FANCA: variants seen among roughly 807,000 people sequenced by gnomAD.
FANCA encodes FA complementation group A.
In FANCA, 236 loss-of-function variants were observed where a neutral mutation model predicts 194.3. The observed-to-expected ratio is 1.21, with a 90% CI of 1.09 to 1.35. The LOEUF (loss-of-function observed/expected upper bound fraction) is 1.35, where lower values mean the gene tolerates loss of function less well. Among genes scored for constraint, FANCA ranks in the 40% most tolerant of loss-of-function variants. The pLI is 0.00. For missense variants in FANCA, 2,628 were observed against 1,813.9 expected (o/e 1.45, Z -8.15); for synonymous variants, 1,014 against 715.8 (o/e 1.42, Z -6.65).
chr16:89,773,031 G>C (rs998519718), intron 22 of FANCA, among the ~76,000 whole-genome samples: 3 of 152,130 alleles, frequency 2.0e-5, no homozygotes, highest in Admixed American at 2.0e-4. Flanking sequence ...GTCCTACTCA[G>C]ATGCAACTAG....
At chr16:89,769,784 T>C in intron 26 of FANCA, 53 bp downstream of exon 26, 3 of 1,590,248 alleles carry the variant, frequency 1.9e-6, no homozygotes, top group Non-Finnish European at 2.6e-6. Context: ...AACGAGCATG[T>C]GTCACTTTTC....
In FANCA at chr16:89,737,951, C is replaced by G. The variant is rs1209630009; in HGVS notation, c.*650G>C. Reference sequence around the variant, plus strand: ...CCTCCCAGGGCTGTGGCCCTCGCACCTTCTTATCTGCCTCTGTCCCCCAGG... The same window carrying G: ...CCTCCCAGGGCTGTGGCCCTCGCACGTTCTTATCTGCCTCTGTCCCCCAGG... On this transcript the variant is annotated 3_prime_UTR_variant, in exon 43 of 43. Coordinates refer to ENST00000389301, the MANE Select transcript of FANCA (RefSeq NM_000135.4). 1.9e-6 allele frequency: 3 copies of G among 1,613,954 alleles called. No homozygotes were observed. Among genetic ancestry groups the G allele is most frequent in the African/African-American group, 2.7e-5 (2 of 74,922 alleles).
chr16:89,778,610 CAG>C (rs1390050220), intron 20 of FANCA, 189 bp downstream of exon 20: 4 of 526,448 alleles, frequency 7.6e-6, no homozygotes, highest in African/African-American at 5.2e-5. Context: ...GCCTGGGTGA[CAG>C]AGTGAGACTC....
At chr16:89,789,341 T>C (rs11076624) in intron 14 of FANCA, among the ~76,000 whole-genome samples, 8,953 of 151,070 alleles carry the variant, frequency 0.059, 409 homozygotes, top group East Asian at 0.22. Flanking sequence ...ACGATGGCGA[T>C]GCAGGCACCG....
chr16:89,740,164 C>G (rs898234601), intron 38 of FANCA, 65 bp from the exon 39 acceptor site: 1 of 1,242,572 alleles, frequency 8.0e-7, no homozygotes, highest in African/African-American at 1.5e-5. Context: ...TAGGAGGGTA[C>G]AGCCCTCAGC....
chr16:89,751,986 G>A, intron 31 of FANCA, 152 bp downstream of exon 31: 2 of 763,046 alleles, frequency 2.6e-6, no homozygotes, highest in Admixed American at 3.4e-5. Flanking sequence ...TAGCCAGCAT[G>A]GTCTCGATCT....
At chr16:89,793,907 C>T (rs1004182503) in intron 11 of FANCA, among the ~76,000 whole-genome samples, 5 of 152,144 alleles carry the variant, frequency 3.3e-5, no homozygotes, top group African/African-American at 9.6e-5. Context: ...CCCACCACCA[C>T]GCCCGGCTAA....
At chr16:89,769,655 A>G in intron 26 of FANCA, 182 bp downstream of exon 26, 1 of 686,972 alleles carries the variant, frequency 1.5e-6, no homozygotes, top group East Asian at 2.7e-5. Context: ...CAAAGAAACA[A>G]ACGCACGCAT....
intron 10 of FANCA, 53 bp downstream of exon 10, chr16:89,799,113 T>G (rs748012045): frequency 3.7e-6 from 6 of 1,613,994 alleles, no homozygotes; most frequent in African/African-American, 1.3e-5. Context: ...GCTCTTTAAT[T>G]TGGCAGACAC....
intron 29 of FANCA, among the ~76,000 whole-genome samples, chr16:89,759,846 C>T (rs541009083): frequency 1.3e-5 from 2 of 152,352 alleles, no homozygotes; most frequent in South Asian, 4.1e-4. Context: ...GAAAACGCTC[C>T]ACACGACCCT....
rs561706017 is a variant in FANCA at position 89,778,479 on chromosome 16, A to G, written c.1826+322T>C. ...AGACTCCATCTAAAAAAAAAAAAAA[A>G]AAAAAACTTAGCCAGGCACAGGCTT... On this transcript the variant is annotated intron_variant, in intron 20 of 42. Coordinates refer to ENST00000389301, the MANE Select transcript of FANCA (RefSeq NM_000135.4). 266 of 332,304 alleles carry G rather than the reference A, an allele frequency of 8.0e-4. 3 individuals are homozygous for G. The highest frequency in any genetic ancestry group is 6.3e-3 in the Middle Eastern group (6 of 952). 20.6% of individuals were successfully genotyped at this position (332,304 alleles called of 1,614,324 possible). A position where few individuals can be genotyped will look rare whatever the true frequency, so the allele number is the denominator to read the frequency against.
chr16:89,816,493 G>C (rs1422536106), intron 1 of FANCA, 44 bp downstream of exon 1: 3 of 1,451,622 alleles, frequency 2.1e-6, no homozygotes, highest in Non-Finnish European at 2.7e-6. Flanking sequence ...AAACCGTCCC[G>C]GGCCGGACGC....
Position 89,737,976 on chromosome 16 carries a change from G to T in FANCA, c.*625C>A, listed in dbSNP as rs779094661. ...CTTCTTATCTGCCTCTGTCCCCCAG[G>T]TGTGAGGTCTGTGGGTTCCAGTGCA... On this transcript the variant is annotated 3_prime_UTR_variant, in exon 43 of 43. Coordinates refer to ENST00000389301, the MANE Select transcript of FANCA (RefSeq NM_000135.4). 1.9e-6 allele frequency: 3 copies of T among 1,614,156 alleles called. No individual in the cohort carries two copies. Among genetic ancestry groups the T allele is most frequent in the Non-Finnish European group, 2.5e-6 (3 of 1,180,030 alleles).
In FANCA at chr16:89,782,822, G is replaced by C. The variant is rs368947626; in HGVS notation, c.1626+37C>G. Reference sequence around the variant, plus strand: ...AACTGGACCTTTGCATGGTGGGCGTGACTGGCTGAGACCCTGCAGGGCTCA... The same window carrying C: ...AACTGGACCTTTGCATGGTGGGCGTCACTGGCTGAGACCCTGCAGGGCTCA... On this transcript the variant is annotated intron_variant, in intron 17 of 42. Coordinates refer to ENST00000389301, the MANE Select transcript of FANCA (RefSeq NM_000135.4). The C allele has an allele frequency of 3.8e-6, 6 of 1,579,598 alleles. No homozygotes were observed. In the African/African-American group the frequency reaches 8.1e-5, roughly 21 times the overall value.
Position 89,773,278 on chromosome 16 carries a change from C to G in FANCA, c.2007G>C (p.Gln669His). Residue 669 changes from glutamine (Q) to histidine (H), a missense_variant, in exon 22 of 43, where the codon CAG (glutamine) becomes CAC (histidine). Transcript: ENST00000389301. ...ELRASMTDPS[Q>H]RDVISAQVAV... ...GCTCCCATCCATCCTCACCATCACGCTGGCTGGGGTCTGTCATGGAGGCTC... is the reference window on the plus strand; with the variant it reads ...GCTCCCATCCATCCTCACCATCACGGTGGCTGGGGTCTGTCATGGAGGCTC... The G allele has an allele frequency of 1.9e-6, 3 of 1,550,540 alleles. No homozygotes were observed. Among genetic ancestry groups the G allele is most frequent in the Non-Finnish European group, 2.6e-6 (3 of 1,146,400 alleles).
At chr16:89,807,515 C>A (rs934221022) in intron 6 of FANCA, among the ~76,000 whole-genome samples, 3 of 151,542 alleles carry the variant, frequency 2.0e-5, no homozygotes, top group Non-Finnish European at 2.9e-5. Context: ...TTTGGGAGGC[C>A]GAGGCAGGGG....
chr16:89,753,050 T>C (rs2038651898), intron 30 of FANCA, among the ~76,000 whole-genome samples: 1 of 152,218 alleles, frequency 6.6e-6, no homozygotes, highest in Non-Finnish European at 1.5e-5. Context: ...TTCCATCCTG[T>C]ACACCTGGCT....
intron 11 of FANCA, chr16:89,792,765 T>G: frequency 2.0e-6 from 1 of 494,226 alleles, no homozygotes; most frequent in Non-Finnish European, 3.8e-6. Flanking sequence ...GCCCTGAATG[T>G]CTGGTTGTGC....
intron 21 of FANCA, among the ~76,000 whole-genome samples, chr16:89,775,389 G>A (rs775518155): frequency 7.9e-5 from 12 of 152,168 alleles, no homozygotes; most frequent in African/African-American, 2.4e-4. Flanking sequence ...CGACAGGCTC[G>A]AGCCAGCGCT....
Sources: gnomAD v4.1 joint callset for allele counts (sites outside exome capture counted in the v4.1 genomes callset) on GRCh38, gnomAD v4.1.1 for gene constraint, MANE v1.5 for transcripts, NCBI Gene and HGNC (gene_info 2026-07-23, HGNC 2026-07-21) for gene names.